LTBP1: variants seen among roughly 807,000 people sequenced by gnomAD.
The protein encoded by LTBP1 is latent-transforming growth factor beta-binding protein 1.
In LTBP1, 129 loss-of-function variants were observed where a neutral mutation model predicts 207.6. That is an observed-to-expected ratio of 0.62 (90% CI 0.54 to 0.72). The LOEUF is 0.72. Among genes scored for constraint, LTBP1 ranks in the 30% least tolerant of loss-of-function variants. LTBP1 has a pLI of 0.00. For missense variants in LTBP1, 2,281 were observed against 2,217.2 expected, an observed-to-expected ratio of 1.03 and a Z score of -0.58; for synonymous variants, 963 against 833.7, an observed-to-expected ratio of 1.16 and a Z score of -2.67.
chr2:33,298,298 T>A (rs2093919534), intron 20 of LTBP1, among the ~76,000 whole-genome samples: 2 of 152,242 alleles, frequency 1.3e-5, no homozygotes, highest in Non-Finnish European at 2.9e-5. Context: ...TATGTGTCAT[T>A]ACTTGTCATG....
intron 7 of LTBP1, among the ~76,000 whole-genome samples, chr2:33,195,917 A>G (rs1009521772): frequency 6.6e-5 from 10 of 152,212 alleles, no homozygotes; most frequent in African/African-American, 2.2e-4. Flanking sequence ...ACAGTCATCA[A>G]CATCAAGGCA....
intron 3 of LTBP1, among the ~76,000 whole-genome samples, chr2:33,053,106 A>G (rs1169967535): frequency 1.3e-5 from 2 of 152,160 alleles, no homozygotes; most frequent in African/African-American, 4.8e-5. Flanking sequence ...CCTGACCTCA[A>G]GTGATCTGCC....
intron 31 of LTBP1, among the ~76,000 whole-genome samples, chr2:33,370,674 T>C (rs2095057200): frequency 6.6e-6 from 1 of 152,356 alleles, no homozygotes; most frequent in Middle Eastern, 3.4e-3. Flanking sequence ...AAATATACTG[T>C]TCCCGGATAT....
intron 3 of LTBP1, among the ~76,000 whole-genome samples, chr2:33,066,666 A>G (rs577188422): frequency 1.3e-5 from 2 of 152,334 alleles, no homozygotes; most frequent in South Asian, 4.1e-4. Context: ...TTATCACAAT[A>G]TTTTCAACTC....
chr2:33,359,479 A>G (rs1294950954), intron 26 of LTBP1, among the ~76,000 whole-genome samples: 5 of 152,232 alleles, frequency 3.3e-5, no homozygotes, highest in African/African-American at 1.2e-4. Context: ...CTAACTTCAA[A>G]ACAAAGGTAA....
chr2:33,179,477 C>G (rs1489451083), intron 5 of LTBP1, among the ~76,000 whole-genome samples: 2 of 151,808 alleles, frequency 1.3e-5, no homozygotes, highest in Non-Finnish European at 2.9e-5. Flanking sequence ...CAAAGAGATG[C>G]TCACTGATGG....
intron 3 of LTBP1, among the ~76,000 whole-genome samples, chr2:33,067,037 G>C (rs2149700057): frequency 6.6e-6 from 1 of 152,246 alleles, no homozygotes; most frequent in East Asian, 1.9e-4. Flanking sequence ...AGCCAGGCAT[G>C]GTGGCATGCC....
chr2:33,288,420 G>A (rs1168577379), intron 19 of LTBP1, among the ~76,000 whole-genome samples: 2 of 152,190 alleles, frequency 1.3e-5, no homozygotes, highest in African/African-American at 4.8e-5. Flanking sequence ...TCTTCACCCA[G>A]ATGAATTACA....
intron 4 of LTBP1, among the ~76,000 whole-genome samples, chr2:33,121,307 A>G (rs562982574): frequency 7.2e-5 from 11 of 152,104 alleles, no homozygotes; most frequent in African/African-American, 2.7e-4. Context: ...AATATTTTAA[A>G]TATGCAGTGT....
At chr2:33,377,181 G>C (rs2095151437) in intron 31 of LTBP1, among the ~76,000 whole-genome samples, 1 of 152,220 alleles carries the variant, frequency 6.6e-6, no homozygotes, top group Non-Finnish European at 1.5e-5. Flanking sequence ...GAGCTCTGGA[G>C]GAGTGTCCTG....
chr2:33,085,570 T>C (rs2078699256), intron 3 of LTBP1, among the ~76,000 whole-genome samples: 1 of 152,236 alleles, frequency 6.6e-6, no homozygotes, highest in Admixed American at 6.5e-5. Flanking sequence ...GCTTTTTGTG[T>C]GTCAAGCATT....
At chr2:33,249,313 G>C (rs2092610428) in intron 10 of LTBP1, among the ~76,000 whole-genome samples, 1 of 134,158 alleles carries the variant, frequency 7.5e-6, no homozygotes, top group Non-Finnish European at 1.6e-5. Flanking sequence ...ATCTCAGTAG[G>C]TCTGATTTTT....
intron 5 of LTBP1, among the ~76,000 whole-genome samples, chr2:33,167,751 C>T (rs1359878925): frequency 6.6e-6 from 1 of 152,102 alleles, no homozygotes; most frequent in Non-Finnish European, 1.5e-5. Context: ...CAGAAGAGTC[C>T]AAGTGTTCAG....
At chr2:33,382,112 T>C (rs1466649269) in intron 31 of LTBP1, among the ~76,000 whole-genome samples, 2 of 114,314 alleles carry the variant, frequency 1.7e-5, no homozygotes, top group Non-Finnish European at 3.4e-5. Flanking sequence ...TTTTTTTTTT[T>C]GAGACAGAGT....
chr2:33,052,412 CTG>C (rs2076790571), intron 3 of LTBP1, among the ~76,000 whole-genome samples: 1 of 152,212 alleles, frequency 6.6e-6, no homozygotes, highest in South Asian at 2.1e-4. Flanking sequence ...AACATCATCT[CTG>C]TAAGTGAATG....
intron 3 of LTBP1, among the ~76,000 whole-genome samples, chr2:33,071,275 C>G (rs1284425189): frequency 2.0e-5 from 3 of 152,226 alleles, no homozygotes; most frequent in African/African-American, 7.2e-5. Context: ...CTGGGCCTCT[C>G]CATAGGACAG....
intron 12 of LTBP1, 32 bp downstream of exon 12, chr2:33,257,543 CA>C: frequency 6.5e-7 from 1 of 1,545,866 alleles, no homozygotes; most frequent in Non-Finnish European, 8.9e-7. Context: ...GGACTCTAGA[CA>C]TCTATCTGTG....
At chr2:33,208,453 A>G (rs1382617141) in intron 7 of LTBP1, among the ~76,000 whole-genome samples, 1 of 152,180 alleles carries the variant, frequency 6.6e-6, no homozygotes, top group Non-Finnish European at 1.5e-5. Flanking sequence ...CTTTGTGTGT[A>G]CAGGTTAGCA....
At chr2:33,396,185 G>GGT (rs904134795) in intron 32 of LTBP1, among the ~76,000 whole-genome samples, 2 of 144,190 alleles carry the variant, frequency 1.4e-5, no homozygotes, top group African/African-American at 5.1e-5. Flanking sequence ...GTTTTTTTTT[G>GGT]GTGTGTGTGT....
Sources: allele counts gnomAD v4.1 joint callset (sites outside exome capture counted in the v4.1 genomes callset), GRCh38; gene constraint gnomAD v4.1.1; transcripts MANE v1.5; gene names NCBI Gene and HGNC (gene_info 2026-07-23, HGNC 2026-07-21).